The following NINL variants were observed in gnomAD, a reference collection of about 807,000 sequenced individuals.
NINL encodes the protein ninein-like protein.
NINL carries 153 observed loss-of-function variants against 160.3 expected under a neutral mutation model. That is an observed-to-expected ratio of 0.95 (90% CI 0.84 to 1.09). The LOEUF is 1.09. Ranked by LOEUF, NINL falls within the 50% of genes least tolerant of loss-of-function variation. NINL has a pLI of 0.00. For missense variants in NINL, 1,829 were observed against 1,764.0 expected (o/e 1.04, Z -0.66); for synonymous variants, 800 against 734.8 (o/e 1.09, Z -1.43).
At chr20:25,491,796 G>C (rs1259713563) in intron 10 of NINL, among the ~76,000 whole-genome samples, 1 of 152,250 alleles carries the variant, frequency 6.6e-6, no homozygotes, top group Non-Finnish European at 1.5e-5. Context: ...GAGGAGCACA[G>C]CTCCCTGGGG....
At chr20:25,560,423 A>G (rs1463084559) in intron 1 of NINL, among the ~76,000 whole-genome samples, 1 of 152,168 alleles carries the variant, frequency 6.6e-6, no homozygotes, top group Non-Finnish European at 1.5e-5. Flanking sequence ...TTTGTAAATG[A>G]CCAAACTGGC....
At chr20:25,524,347 CAA>C (rs2064316135) in intron 2 of NINL, among the ~76,000 whole-genome samples, 1 of 152,178 alleles carries the variant, frequency 6.6e-6, no homozygotes, top group Admixed American at 6.5e-5. Flanking sequence ...CTAGTGCAAA[CAA>C]AGTGACTTCT....
At chr20:25,506,088 C>A (rs929324811) in intron 5 of NINL, among the ~76,000 whole-genome samples, 1 of 152,090 alleles carries the variant, frequency 6.6e-6, no homozygotes, top group Non-Finnish European at 1.5e-5. Flanking sequence ...TTGGTGAAAC[C>A]CCGTCTCTAC....
chr20:25,576,355 T>G (rs2065115821), intron 1 of NINL, among the ~76,000 whole-genome samples: 1 of 152,218 alleles, frequency 6.6e-6, no homozygotes, highest in Non-Finnish European at 1.5e-5. Context: ...GGCACAGATG[T>G]CTCATAACTG....
At chr20:25,530,448 G>C (rs902011861) in intron 1 of NINL, among the ~76,000 whole-genome samples, 30 of 152,072 alleles carry the variant, frequency 2.0e-4, no homozygotes, top group Admixed American at 9.2e-4. Flanking sequence ...GGCAAATCCA[G>C]GGTTTTCTCT....
chr20:25,553,876 A>C (rs117939057), intron 1 of NINL, among the ~76,000 whole-genome samples: 228 of 152,320 alleles, frequency 1.5e-3, no homozygotes, highest in Non-Finnish European at 2.9e-3. Context: ...TGCCTCCAGG[A>C]GGGAGACAGA....
In NINL at chr20:25,458,452, AC is replaced by A; in HGVS notation, c.3773del (p.Arg1258LeufsTer31). On this transcript the variant is annotated frameshift_variant, in exon 22 of 24. Coordinates refer to ENST00000278886, the MANE Select transcript of NINL (RefSeq NM_025176.6). LOFTEE classifies it high-confidence loss of function. The part of the protein sequence containing the change: ...LQEVRLVPQD[R>X]VAELHRLLSL... ...TGAGCAGGCGATGCAGCTCGGCCACACGGTCCTGGGGCACCAGCCGGACCTC... is the reference window on the plus strand; with the variant it reads ...TGAGCAGGCGATGCAGCTCGGCCACAGGTCCTGGGGCACCAGCCGGACCTC... 1.2e-6 allele frequency: 2 copies of A among 1,605,318 alleles called. No individual in the cohort carries two copies. The highest frequency in any genetic ancestry group is 2.2e-5 in the East Asian group (1 of 44,868).
At chr20:25,462,069 C>T (rs2146329477) in intron 20 of NINL, among the ~76,000 whole-genome samples, 1 of 152,358 alleles carries the variant, frequency 6.6e-6, no homozygotes, top group Middle Eastern at 3.4e-3. Context: ...CTCTCGGGAA[C>T]ATCCCCATCG....
At position 25,517,244 on chromosome 20, in the gene NINL, A is replaced by G. The variant is rs747961321; in HGVS notation, c.277+509T>C. ...CACACTAAATAATACCACAAACACAACACCCCTGCAAAAGGGAAAGAGCCA... is the reference window on the plus strand; with the variant it reads ...CACACTAAATAATACCACAAACACAGCACCCCTGCAAAAGGGAAAGAGCCA... On this transcript the variant is annotated intron_variant, in intron 3 of 23. Coordinates refer to ENST00000278886, the MANE Select transcript of NINL (RefSeq NM_025176.6). Among the ~76,000 whole-genome samples the G allele has an allele frequency of 1.2e-3, 189 of 151,876 alleles. 5 individuals are homozygous for G. Among genetic ancestry groups the G allele is most frequent in the Non-Finnish European group, 3.7e-4 (25 of 67,962 alleles).
intron 1 of NINL, among the ~76,000 whole-genome samples, chr20:25,575,197 C>G (rs1364441720): frequency 6.6e-6 from 1 of 151,870 alleles, no homozygotes; most frequent in Non-Finnish European, 1.5e-5. Flanking sequence ...ACCTGTAATC[C>G]CAGCACTTTG....
At chr20:25,510,333 C>A (rs1383431209) in intron 5 of NINL, among the ~76,000 whole-genome samples, 6 of 152,246 alleles carry the variant, frequency 3.9e-5, no homozygotes, top group South Asian at 4.1e-4. Context: ...CAGGGCCAAG[C>A]AAGGCCCTCC....
intron 20 of NINL, among the ~76,000 whole-genome samples, chr20:25,461,995 G>A (rs941978899): frequency 6.6e-6 from 1 of 152,210 alleles, no homozygotes; most frequent in Non-Finnish European, 1.5e-5. Flanking sequence ...GCCGATTTCA[G>A]TTCTGCTTTG....
At chr20:25,484,573 T>G (rs1467738985) in intron 13 of NINL, among the ~76,000 whole-genome samples, 2 of 152,164 alleles carry the variant, frequency 1.3e-5, no homozygotes, top group Admixed American at 6.5e-5. Flanking sequence ...CTTGCACAAT[T>G]TGGGCACGAA....
chr20:25,507,652 A>T (rs1054327249), intron 5 of NINL, among the ~76,000 whole-genome samples: 5 of 152,162 alleles, frequency 3.3e-5, no homozygotes, highest in African/African-American at 7.2e-5. Flanking sequence ...TGTGGGTGTG[A>T]ATTACTGATA....
intron 22 of NINL, 81 bp from the exon 23 acceptor site, chr20:25,455,867 C>A (rs560593329): frequency 5.4e-6 from 6 of 1,105,396 alleles, no homozygotes; most frequent in East Asian, 2.4e-5. Context: ...CCGAGGCGGG[C>A]GGATCACCTG....
chr20:25,497,486 C>A (rs2063781001), intron 9 of NINL, among the ~76,000 whole-genome samples: 1 of 152,222 alleles, frequency 6.6e-6, no homozygotes, highest in Admixed American at 6.5e-5. Flanking sequence ...GCTGTCTGCA[C>A]CTGGACAGAT....
At chr20:25,502,045 G>A (rs1311519401) in intron 7 of NINL, among the ~76,000 whole-genome samples, 1 of 152,142 alleles carries the variant, frequency 6.6e-6, no homozygotes, top group Non-Finnish European at 1.5e-5. Flanking sequence ...GCAGTGATGC[G>A]ATCTCAGCTC....
intron 2 of NINL, among the ~76,000 whole-genome samples, chr20:25,525,874 G>T (rs1010618055): frequency 3.9e-5 from 6 of 152,136 alleles, no homozygotes; most frequent in African/African-American, 1.4e-4. Flanking sequence ...TGATAGAAAA[G>T]AACCCTCTAA....
At chr20:25,497,398 C>T (rs993351010) in intron 9 of NINL, among the ~76,000 whole-genome samples, 5 of 152,222 alleles carry the variant, frequency 3.3e-5, no homozygotes, top group African/African-American at 4.8e-5. Context: ...CCCTCCCTGT[C>T]CCAAGGCCAG....
Sources: gnomAD v4.1 joint callset for allele counts (sites outside exome capture counted in the v4.1 genomes callset) on GRCh38, gnomAD v4.1.1 for gene constraint, MANE v1.5 for transcripts, NCBI Gene and HGNC (gene_info 2026-07-23, HGNC 2026-07-21) for gene names.